PPP1R9A: variants seen among roughly 807,000 people sequenced by gnomAD.
The protein encoded by PPP1R9A is neurabin-1.
Under a neutral mutation model 141.9 loss-of-function variants are expected in PPP1R9A, and 59 were observed. That is an observed-to-expected ratio of 0.42 (90% confidence interval 0.34 to 0.52). The LOEUF is 0.52. Ranked by LOEUF, PPP1R9A falls within the 20% of genes least tolerant of loss-of-function variation. PPP1R9A has a pLI of 0.10. For missense variants in PPP1R9A, 1,444 were observed against 1,611.9 expected (o/e 0.90, Z 1.78); for synonymous variants, 500 against 569.7 (o/e 0.88, Z 1.74).
chr7:95,167,163 C>A (rs186188487), intron 5 of PPP1R9A, among the ~76,000 whole-genome samples: 1 of 152,244 alleles, frequency 6.6e-6, no homozygotes, highest in South Asian at 2.1e-4. Flanking sequence ...TCACATCTTA[C>A]ATCTTACATG....
intron 2 of PPP1R9A, among the ~76,000 whole-genome samples, chr7:94,967,127 T>C (rs569969332): frequency 6.6e-6 from 1 of 152,328 alleles, no homozygotes; most frequent in Admixed American, 6.5e-5. Context: ...TATTCTCTGA[T>C]GGTAGTTTGT....
chr7:95,085,031 A>G (rs1214616281), intron 2 of PPP1R9A, among the ~76,000 whole-genome samples: 2 of 151,954 alleles, frequency 1.3e-5, no homozygotes, highest in Non-Finnish European at 2.9e-5. Context: ...CCACCCTCAC[A>G]TGATTTACTA....
intron 2 of PPP1R9A, among the ~76,000 whole-genome samples, chr7:95,021,163 C>T (rs1176315076): frequency 1.3e-5 from 2 of 152,166 alleles, no homozygotes; most frequent in Non-Finnish European, 2.9e-5. Context: ...TAATGATCGC[C>T]ATTCTAACTG....
intron 4 of PPP1R9A, among the ~76,000 whole-genome samples, chr7:95,127,335 T>C (rs1823732741): frequency 6.6e-6 from 1 of 152,096 alleles, no homozygotes; most frequent in South Asian, 2.1e-4. Context: ...AGTATTAAGG[T>C]AGACAGGAAG....
chr7:95,234,192 AAAAG>A (rs1173963392), intron 8 of PPP1R9A, among the ~76,000 whole-genome samples: 1 of 152,086 alleles, frequency 6.6e-6, no homozygotes, highest in Non-Finnish European at 1.5e-5. Flanking sequence ...GCAAACAAGA[AAAAG>A]AAAGAAAGGG....
chr7:95,143,871 T>TA (rs1827131912), intron 4 of PPP1R9A, among the ~76,000 whole-genome samples: 1 of 152,112 alleles, frequency 6.6e-6, no homozygotes, highest in South Asian at 2.1e-4. Context: ...TTCAGGCTTA[T>TA]TGAAGTATAA....
intron 2 of PPP1R9A, among the ~76,000 whole-genome samples, chr7:95,040,105 A>G (rs1288696800): frequency 2.6e-5 from 4 of 152,188 alleles, no homozygotes; most frequent in Admixed American, 2.6e-4. Context: ...AAGGTTGCAT[A>G]TATTCTATGA....
At chr7:95,153,597 A>G (rs975876909) in intron 4 of PPP1R9A, among the ~76,000 whole-genome samples, 1 of 152,232 alleles carries the variant, frequency 6.6e-6, no homozygotes, top group Non-Finnish European at 1.5e-5. Context: ...TGATTTGTCC[A>G]AAGAATCAGT....
intron 4 of PPP1R9A, among the ~76,000 whole-genome samples, chr7:95,157,905 A>G (rs1422003024): frequency 6.6e-6 from 1 of 152,236 alleles, no homozygotes; most frequent in Non-Finnish European, 1.5e-5. Context: ...CCCCAAGGGA[A>G]TCTTTAAAAT....
intron 2 of PPP1R9A, among the ~76,000 whole-genome samples, chr7:94,930,000 C>G (rs1324655301): frequency 6.6e-6 from 1 of 152,204 alleles, no homozygotes; most frequent in Non-Finnish European, 1.5e-5. Flanking sequence ...TGGTTGATAA[C>G]AGATGCTCAG....
At chr7:94,913,526 AACAGG>A (rs751668667) in intron 2 of PPP1R9A, among the ~76,000 whole-genome samples, 10 of 152,304 alleles carry the variant, frequency 6.6e-5, no homozygotes, top group South Asian at 2.1e-4. Flanking sequence ...TTGGGCAGTT[AACAGG>A]ACTTCTTGGA....
At chr7:95,104,708 T>C (rs2152417337) in intron 2 of PPP1R9A, among the ~76,000 whole-genome samples, 1 of 152,304 alleles carries the variant, frequency 6.6e-6, no homozygotes, top group African/African-American at 2.4e-5. Flanking sequence ...GAACTAACCT[T>C]AATTTGGGGG....
rs537276724 is a variant in PPP1R9A at position 95,240,678 on chromosome 7, C to T, written c.2113-6795C>T. On this transcript the variant is annotated intron_variant, in intron 8 of 19. Transcript: ENST00000433360. ...ATTCAAATTCATTTATGCTTTTTAG[C>T]ACTTCTAACATGACTTAATTCTCTT... is the stretch of plus-strand genomic sequence containing the variant. 3.3e-5 allele frequency among the ~76,000 whole-genome samples: 5 copies of T among 152,070 alleles called. No homozygotes were observed. In the East Asian group the frequency reaches 9.7e-4, roughly 29 times the overall value.
chr7:95,111,466 C>G, intron 3 of PPP1R9A, 75 bp downstream of exon 3: 2 of 1,364,142 alleles, frequency 1.5e-6, no homozygotes, highest in South Asian at 1.5e-5. Context: ...CAAAATGTAG[C>G]CTTTTTTCTA....
chr7:94,972,129 C>A (rs1584455533), intron 2 of PPP1R9A, among the ~76,000 whole-genome samples: 1 of 152,124 alleles, frequency 6.6e-6, no homozygotes, highest in Non-Finnish European at 1.5e-5. Context: ...AATAATAATG[C>A]CTAATTTTAA....
At chr7:94,973,760 C>T (rs1799129863) in intron 2 of PPP1R9A, among the ~76,000 whole-genome samples, 1 of 150,274 alleles carries the variant, frequency 6.7e-6, no homozygotes. Context: ...GCTCTATTGC[C>T]CAGGCTGGAG....
At chr7:95,029,947 A>T (rs140326266) in intron 2 of PPP1R9A, among the ~76,000 whole-genome samples, 172 of 152,366 alleles carry the variant, frequency 1.1e-3, no homozygotes, top group Non-Finnish European at 1.8e-3. Flanking sequence ...TAACTTGAGC[A>T]TCATGGCTGT....
At chr7:95,287,413 G>C (rs949844378) in intron 18 of PPP1R9A, among the ~76,000 whole-genome samples, 3 of 151,960 alleles carry the variant, frequency 2.0e-5, no homozygotes, top group African/African-American at 7.3e-5. Context: ...CCTCTCCTTT[G>C]CCTTCATCTC....
At chr7:95,243,714 GAACTTGAA>G (rs1240398566) in intron 8 of PPP1R9A, among the ~76,000 whole-genome samples, 1 of 152,206 alleles carries the variant, frequency 6.6e-6, no homozygotes, top group East Asian at 1.9e-4. Flanking sequence ...TTTCTAGTGG[GAACTTGAA>G]AAGGTGTGTG....
Sources: gnomAD v4.1 joint callset for allele counts (sites outside exome capture counted in the v4.1 genomes callset) on GRCh38, gnomAD v4.1.1 for gene constraint, MANE v1.5 for transcripts, NCBI Gene and HGNC (gene_info 2026-07-23, HGNC 2026-07-21) for gene names.